The following BBX variants were observed in gnomAD, a reference collection of about 807,000 sequenced individuals.
BBX encodes the protein HMG box transcription factor BBX.
In BBX, 30 loss-of-function variants were observed where a neutral mutation model predicts 100.2. The ratio of observed to expected loss-of-function variants is 0.30; its 90% CI spans 0.22 to 0.41. The LOEUF is 0.41. Ranked by LOEUF, BBX falls within the 10% of genes least tolerant of loss-of-function variation. The pLI is 1.00. For synonymous variants in BBX, 376 were observed against 388.1 expected (o/e 0.97, Z 0.37); for missense variants, 1,023 against 1,129.8 (o/e 0.91, Z 1.35).
In BBX at chr3:107,808,794, G is replaced by A. The variant is rs1475687043; in HGVS notation, c.*3337G>A. 6.6e-6 allele frequency: 1 copy of A among 152,126 alleles called. No homozygotes were observed. Among genetic ancestry groups the A allele is most frequent in the African/African-American group, 2.4e-5 (1 of 41,402 alleles). The allele number at this position is 152,126 out of a possible 1,614,324, so 9.4% of individuals were successfully genotyped here. ...CCCCTTTTAAAAGGTAAATTCTACT[G>A]TTGTAATTCCGATAGTCTTTTTCCC... On this transcript the variant is annotated 3_prime_UTR_variant, in exon 18 of 18. Coordinates refer to ENST00000325805, the MANE Select transcript of BBX (RefSeq NM_001142568.3).
chr3:107,593,763 AAAACAAAACG>A (rs1478456387), intron 2 of BBX, among the ~76,000 whole-genome samples: 4 of 152,232 alleles, frequency 2.6e-5, no homozygotes, highest in Admixed American at 2.6e-4. Context: ...GTGGAAAAAC[AAAACAAAACG>A]AAACAAACAA....
At chr3:107,579,130 T>C (rs2052059908) in intron 2 of BBX, among the ~76,000 whole-genome samples, 2 of 152,214 alleles carry the variant, frequency 1.3e-5, no homozygotes, top group South Asian at 4.1e-4. Flanking sequence ...TTTCACATTG[T>C]GTTTCCTCTA....
chr3:107,675,707 T>C (rs2059246260), intron 3 of BBX, among the ~76,000 whole-genome samples: 1 of 152,222 alleles, frequency 6.6e-6, no homozygotes, highest in African/African-American at 2.4e-5. Context: ...CAGTATGATA[T>C]AGCGGAAAGA....
intron 2 of BBX, among the ~76,000 whole-genome samples, chr3:107,614,476 C>T (rs1310064484): frequency 6.6e-5 from 10 of 151,282 alleles, no homozygotes; most frequent in Admixed American, 6.6e-4. Context: ...CCCAAGTTAA[C>T]CTAAATATAC....
chr3:107,644,712 A>G (rs2057414938), intron 2 of BBX, among the ~76,000 whole-genome samples: 2 of 152,110 alleles, frequency 1.3e-5, no homozygotes, highest in South Asian at 4.1e-4. Flanking sequence ...TTATTCTTTT[A>G]TCTATGCCCT....
intron 1 of BBX, among the ~76,000 whole-genome samples, chr3:107,525,191 C>T (rs2047669790): frequency 6.7e-6 from 1 of 149,690 alleles, no homozygotes; most frequent in Non-Finnish European, 1.5e-5. Context: ...CCGGGTCCGG[C>T]CCCACGCGCT....
At chr3:107,689,095 GT>G (rs774904315) in intron 3 of BBX, among the ~76,000 whole-genome samples, 20 of 152,202 alleles carry the variant, frequency 1.3e-4, no homozygotes, top group South Asian at 2.1e-4. Flanking sequence ...ATTTTCTCCA[GT>G]TGGTTCTTTT....
At position 107,744,667 on chromosome 3, in the gene BBX, C is replaced by T. The variant is rs528981784; in HGVS notation, c.707C>T (p.Ser236Phe). The change falls in exon 8 of 18, where the codon TCT becomes TTT. Residue 236 changes from serine to phenylalanine, a missense_variant. Coordinates refer to ENST00000325805, the MANE Select transcript of BBX (RefSeq NM_001142568.3). ...ACATGCAGGCCTGATGTTTCAGAATCTCCTGAATTACGTCAGAAGTCACCA... is the reference window on the plus strand; with the variant it reads ...ACATGCAGGCCTGATGTTTCAGAATTTCCTGAATTACGTCAGAAGTCACCA... ...SGTCRPDVSE[S>F]PELRQKSPLF... 28 of 1,613,310 alleles carry T rather than the reference C, an allele frequency of 1.7e-5. No homozygotes were observed. The South Asian group carries it at 2.7e-4, about 16-fold the overall frequency.
chr3:107,675,102 C>A (rs1287240203), intron 3 of BBX, among the ~76,000 whole-genome samples: 1 of 152,084 alleles, frequency 6.6e-6, no homozygotes, highest in Non-Finnish European at 1.5e-5. Flanking sequence ...TTTAACTATA[C>A]CATAAATGGT....
intron 5 of BBX, among the ~76,000 whole-genome samples, chr3:107,719,563 C>T (rs2062373868): frequency 6.6e-6 from 1 of 151,892 alleles, no homozygotes; most frequent in African/African-American, 2.4e-5. Context: ...TTGCCCAGTG[C>T]TAATTTGCAT....
At chr3:107,566,260 T>C (rs760661473) in intron 2 of BBX, among the ~76,000 whole-genome samples, 20 of 151,128 alleles carry the variant, frequency 1.3e-4, no homozygotes, top group Non-Finnish European at 2.7e-4. Flanking sequence ...ATGTAGTGAA[T>C]TCCATTGATA....
At chr3:107,575,981 A>G (rs1253408804) in intron 2 of BBX, among the ~76,000 whole-genome samples, 1 of 152,234 alleles carries the variant, frequency 6.6e-6, no homozygotes, top group African/African-American at 2.4e-5. Flanking sequence ...GGCTGCAGTG[A>G]GCAGTGACTG....
intron 5 of BBX, among the ~76,000 whole-genome samples, chr3:107,725,330 G>A (rs2062841226): frequency 6.6e-6 from 1 of 152,108 alleles, no homozygotes; most frequent in Non-Finnish European, 1.5e-5. Flanking sequence ...GGGTTTTCTA[G>A]ATATACAATC....
chr3:107,766,170 A>G (rs1037929743), intron 10 of BBX, among the ~76,000 whole-genome samples: 5 of 152,216 alleles, frequency 3.3e-5, no homozygotes, highest in African/African-American at 1.2e-4. Flanking sequence ...ACCAAGGTCA[A>G]TGAGAATGTC....
At chr3:107,590,639 A>G (rs1389172483) in intron 2 of BBX, among the ~76,000 whole-genome samples, 3 of 152,022 alleles carry the variant, frequency 2.0e-5, no homozygotes, top group Non-Finnish European at 2.9e-5. Flanking sequence ...CTGAGTCTCC[A>G]CTTCTCTTAT....
rs1427426415 is a variant in BBX, at chr3:107,801,167, C to T, written c.2624C>T (p.Ser875Leu). The T allele has an allele frequency of 5.6e-6, 9 of 1,614,178 alleles. No individual in the cohort carries two copies. The Admixed American group carries it at 8.3e-5, about 15-fold the overall frequency. ...GAGACAGACTGCAATGACAAATGCTCACACAACACCGAGGTCGGGGAGACG... is the reference window on the plus strand; with the variant it reads ...GAGACAGACTGCAATGACAAATGCTTACACAACACCGAGGTCGGGGAGACG... ...ATETDCNDKC[S>L]HNTEVGETRS... is the part of the protein sequence containing the mutation. Residue 875 changes from serine (S) to leucine (L), a missense_variant, in exon 17 of 18, where the codon TCA becomes TTA. By Grantham distance (145) the Ser-to-Leu change is moderately radical. Around this residue, in one of 9 missense-constraint regions of BBX, gnomAD observed 104 missense variants for 132.2 expected, o/e 0.79. Transcript: ENST00000325805.
At chr3:107,723,297 A>G (rs1004242011) in intron 5 of BBX, among the ~76,000 whole-genome samples, 1 of 152,054 alleles carries the variant, frequency 6.6e-6, no homozygotes, top group African/African-American at 2.4e-5. Context: ...CAAACGGAGA[A>G]CAGTTGGTAA....
At chr3:107,523,696 C>T (rs1238387202) in intron 1 of BBX, 1 of 152,430 alleles carries the variant, frequency 6.6e-6, no homozygotes, top group Non-Finnish European at 1.5e-5. Context: ...GAGGTGGGGC[C>T]TGGGGAGCAG....
At chr3:107,655,306 G>A (rs2058067050) in intron 3 of BBX, among the ~76,000 whole-genome samples, 1 of 152,014 alleles carries the variant, frequency 6.6e-6, no homozygotes, top group Non-Finnish European at 1.5e-5. Flanking sequence ...GTGGATTATA[G>A]TTATTTAAGA....
Sources: allele counts gnomAD v4.1 joint callset (sites outside exome capture counted in the v4.1 genomes callset), GRCh38; gene constraint gnomAD v4.1.1; regional missense constraint gnomAD v4.1.1; transcripts MANE v1.5; gene names NCBI Gene and HGNC (gene_info 2026-07-23, HGNC 2026-07-21).